Variants in TMEM161B observed in about 807,000 individuals in gnomAD.
TMEM161B encodes transmembrane protein 161B.
In TMEM161B, 34 loss-of-function variants were observed where a neutral mutation model predicts 61.8. The observed-to-expected ratio is 0.55, with a 90% CI of 0.42 to 0.73. TMEM161B has a LOEUF of 0.73. TMEM161B is among the 30% of genes least tolerant of loss of function. The pLI is 0.00. For synonymous variants in TMEM161B, 167 were observed against 192.8 expected, an observed-to-expected ratio of 0.87 and a Z score of 1.11; for missense variants, 456 against 558.5, an observed-to-expected ratio of 0.82 and a Z score of 1.85.
chr5:88,253,484 A>G (rs992611911), intron 1 of TMEM161B, among the ~76,000 whole-genome samples: 3 of 152,182 alleles, frequency 2.0e-5, no homozygotes, highest in Admixed American at 2.0e-4. Context: ...CAGGAAAGGA[A>G]GAGAAGGTCA....
At chr5:88,244,222 G>A (rs1262370468) in intron 1 of TMEM161B, among the ~76,000 whole-genome samples, 3 of 151,824 alleles carry the variant, frequency 2.0e-5, no homozygotes, top group African/African-American at 7.3e-5. Context: ...CTTATGTCCA[G>A]GATAGTATTT....
chr5:88,239,228 A>C (rs1752353265), intron 2 of TMEM161B, among the ~76,000 whole-genome samples: 1 of 152,024 alleles, frequency 6.6e-6, no homozygotes. Context: ...GGAAAACAGA[A>C]TATGTAACAA....
intron 8 of TMEM161B, among the ~76,000 whole-genome samples, chr5:88,204,498 G>A (rs988912532): frequency 6.6e-6 from 1 of 152,164 alleles, no homozygotes; most frequent in African/African-American, 2.4e-5. Flanking sequence ...GAAGAAAGCA[G>A]CAGTATTAGG....
intron 1 of TMEM161B, among the ~76,000 whole-genome samples, chr5:88,242,636 T>C (rs1752932940): frequency 6.6e-6 from 1 of 151,728 alleles, no homozygotes; most frequent in Non-Finnish European, 1.5e-5. Flanking sequence ...GCAAGTCTAG[T>C]TCCCCTTCTA....
rs1561312892 is a variant in TMEM161B at position 88,203,811 on chromosome 5, ATAT to A, written c.801-739_801-737del. Among the ~76,000 whole-genome samples the A allele has an allele frequency of 5.2e-3, 380 of 72,996 alleles. 58 individuals carry two copies. The highest frequency in any genetic ancestry group is 0.018 in the Middle Eastern group (2 of 112). 47.9% of individuals were successfully genotyped at this position (72,996 alleles called of 152,430 possible). On this transcript the variant is annotated intron_variant, in intron 8 of 11. Transcript: ENST00000296595. The stretch of plus-strand genomic sequence containing the variant: ...TATATATATATATATATATATATAT[ATAT>A]AATTTGCATTACTCCTGACAAGGCA...
chr5:88,225,935 C>T lies in TMEM161B; in HGVS notation c.192-69G>A, dbSNP rs975876693. ...CTGTTATCCAAGTGCTTGTTTCAAACTAATTACAGATGAAGTTTTAAATTT... is the reference window on the plus strand; with the variant it reads ...CTGTTATCCAAGTGCTTGTTTCAAATTAATTACAGATGAAGTTTTAAATTT... On this transcript the variant is annotated intron_variant, in intron 3 of 11. Coordinates refer to ENST00000296595, the MANE Select transcript of TMEM161B (RefSeq NM_153354.5). The T allele has an allele frequency of 6.2e-6, 6 of 964,200 alleles. No homozygotes were observed. In the East Asian group the frequency reaches 1.5e-4, roughly 25 times the overall value. The allele number at this position is 964,200 out of a possible 1,614,324, so 59.7% of individuals were successfully genotyped here. A position where few individuals can be genotyped will look rare whatever the true frequency, so the allele number is the denominator to read the frequency against.
At chr5:88,248,569 CAG>C (rs1308240579) in intron 1 of TMEM161B, among the ~76,000 whole-genome samples, 1 of 152,012 alleles carries the variant, frequency 6.6e-6, no homozygotes, top group East Asian at 1.9e-4. Context: ...ATGAGGAAAA[CAG>C]AGATTTCTTC....
intron 1 of TMEM161B, among the ~76,000 whole-genome samples, chr5:88,258,710 T>C (rs1238638327): frequency 1.3e-5 from 2 of 152,170 alleles, no homozygotes; most frequent in Non-Finnish European, 2.9e-5. Context: ...AGAACCTTGC[T>C]GTATGACTTT....
intron 1 of TMEM161B, among the ~76,000 whole-genome samples, chr5:88,254,331 A>C (rs946600513): frequency 6.6e-6 from 1 of 152,196 alleles, no homozygotes; most frequent in Non-Finnish European, 1.5e-5. Flanking sequence ...AACTTATTAT[A>C]GATTATTTCA....
chr5:88,227,257 A>C (rs1750213400), intron 3 of TMEM161B, among the ~76,000 whole-genome samples: 1 of 152,228 alleles, frequency 6.6e-6, no homozygotes, highest in Non-Finnish European at 1.5e-5. Context: ...AGTTAAAAAG[A>C]AACAGAAACT....
intron 1 of TMEM161B, among the ~76,000 whole-genome samples, chr5:88,257,247 G>T (rs1755103926): frequency 6.6e-6 from 1 of 152,084 alleles, no homozygotes; most frequent in African/African-American, 2.4e-5. Flanking sequence ...TCCAGCCTGG[G>T]CAACAGAGCA....
intron 9 of TMEM161B, chr5:88,201,701 G>C (rs1323094303): frequency 6.6e-6 from 1 of 152,250 alleles, no homozygotes; most frequent in African/African-American, 2.4e-5. Flanking sequence ...TGAATTAGTA[G>C]TTTCTCTGAG....
Position 88,195,380 on chromosome 5 carries a change from T to C in TMEM161B, c.*831A>G. 7 of 742,800 alleles carry C rather than the reference T, an allele frequency of 9.4e-6. No homozygotes were observed. Among genetic ancestry groups the C allele is most frequent in the Non-Finnish European group, 1.1e-5 (7 of 611,342 alleles). The allele number at this position is 742,800 out of a possible 1,614,324, so 46.0% of individuals were successfully genotyped here. A position where few individuals can be genotyped will look rare whatever the true frequency, so the allele number is the denominator to read the frequency against. Reference sequence around the variant, plus strand: ...TATTATATATTTAATATATAATATATATACAATACATACAGGTAGTCAGCA... The same window carrying C: ...TATTATATATTTAATATATAATATACATACAATACATACAGGTAGTCAGCA... On this transcript the variant is annotated 3_prime_UTR_variant, in exon 12 of 12. Transcript: ENST00000296595.
downstream of TMEM161B, chr5:88,190,070 T>C (rs1748632971): frequency 7.1e-6 from 5 of 700,470 alleles, no homozygotes; most frequent in Admixed American, 1.0e-4. Context: ...GCACATGGGT[T>C]ATTTCACAAG....
At position 88,220,472 on chromosome 5, in the gene TMEM161B, CT is replaced by C. The variant is rs1269925281; in HGVS notation, c.446+90del. 6.7e-6 allele frequency: 7 copies of C among 1,050,692 alleles called. No homozygotes were observed. The Admixed American group carries it at 2.4e-4, about 36-fold the overall frequency. The allele number at this position is 1,050,692 out of a possible 1,614,324, so 65.1% of individuals were successfully genotyped here. The stretch of plus-strand genomic sequence containing the variant: ...AAAGATTTCAATAAAGAAAAGTTAT[CT>C]AATGACATAAAATCTTTCTCAAATC... On this transcript the variant is annotated intron_variant, in intron 5 of 11. Transcript: ENST00000296595.
chr5:88,246,782 A>T (rs1445648858), intron 1 of TMEM161B, among the ~76,000 whole-genome samples: 1 of 152,062 alleles, frequency 6.6e-6, no homozygotes, highest in East Asian at 1.9e-4. Flanking sequence ...TCTTAAACAT[A>T]AATTTCACAA....
chr5:88,227,487 A>G (rs1750247926), intron 3 of TMEM161B, among the ~76,000 whole-genome samples: 1 of 152,236 alleles, frequency 6.6e-6, no homozygotes, highest in Non-Finnish European at 1.5e-5. Context: ...AAAGAACTTA[A>G]CTACTGGAAT....
chr5:88,268,810 A>T lies in TMEM161B; in HGVS notation c.-87T>A, dbSNP rs376761469. The T allele has an allele frequency of 1.0e-5, 16 of 1,600,726 alleles. No individual in the cohort carries two copies. In the South Asian group the frequency reaches 1.8e-4, roughly 18 times the overall value. On this transcript the variant is annotated 5_prime_UTR_variant, in exon 1 of 12. Transcript: ENST00000296595. Reference sequence around the variant, plus strand: ...TACCTCCCGGTCCTTGAGCCGAGAGACTCTCAAACAGCGAAAGAGAGGGTC... The same window carrying T: ...TACCTCCCGGTCCTTGAGCCGAGAGTCTCTCAAACAGCGAAAGAGAGGGTC...
intron 1 of TMEM161B, among the ~76,000 whole-genome samples, chr5:88,252,166 AAAAG>A: frequency 6.6e-6 from 1 of 152,188 alleles, no homozygotes. Context: ...AAAATCACAG[AAAAG>A]TAAAGAGAAG....
Sources: allele counts gnomAD v4.1 joint callset (sites outside exome capture counted in the v4.1 genomes callset), GRCh38; gene constraint gnomAD v4.1.1; transcripts MANE v1.5; gene names NCBI Gene and HGNC (gene_info 2026-07-23, HGNC 2026-07-21).